Variants in PON1 observed in about 807,000 individuals in gnomAD.
PON1 encodes paraoxonase 1.
PON1 carries 37 observed loss-of-function variants against 39.2 expected under a neutral mutation model. The ratio of observed to expected loss-of-function variants is 0.94; its 90% CI spans 0.73 to 1.24. The LOEUF (loss-of-function observed/expected upper bound fraction) is 1.24. Among genes scored for constraint, PON1 ranks in the 50% most tolerant of loss-of-function variants. The pLI is 0.00. For synonymous variants in PON1, 148 were observed against 152.2 expected (o/e 0.97, Z 0.21); for missense variants, 397 against 413.5 (o/e 0.96, Z 0.35).
At chr7:95,315,290 T>C in intron 4 of PON1, 32 bp downstream of exon 4, 2 of 1,584,156 alleles carry the variant, frequency 1.3e-6, no homozygotes, top group Middle Eastern at 2.0e-4. Flanking sequence ...TTAAGTTTGG[T>C]TTTGGTTTTA....
chr7:95,311,634 T>C (rs1443928703), intron 4 of PON1, 57 bp from the exon 5 acceptor site: 1 of 1,607,904 alleles, frequency 6.2e-7, no homozygotes, highest in Admixed American at 1.7e-5. Context: ...CTGTCAGCCC[T>C]CTCTCCAAAA....
At chr7:95,318,540 G>A in intron 1 of PON1, 147 bp from the exon 2 acceptor site, 1 of 704,650 alleles carries the variant, frequency 1.4e-6, no homozygotes, top group Non-Finnish European at 2.5e-6. Context: ...TTCCAGGCAA[G>A]GCCAGGGCAA....
Position 95,298,658 on chromosome 7 carries a change from GTTAT to G in PON1, c.*282_*285del, listed in dbSNP as rs1807344402. The G allele has an allele frequency of 2.1e-6, 1 of 475,038 alleles. No homozygotes were observed. Among genetic ancestry groups the G allele is most frequent in the Non-Finnish European group, 3.9e-6 (1 of 259,102 alleles). 29.4% of individuals were successfully genotyped at this position (475,038 alleles called of 1,614,324 possible). ...GTAAGTACTTTTGGGGTCACACACTGTTATTTAATATCTGACAATTGACATAACT... is the reference window on the plus strand; with the variant it reads ...GTAAGTACTTTTGGGGTCACACACTGTTAATATCTGACAATTGACATAACT... On this transcript the variant is annotated 3_prime_UTR_variant, in exon 9 of 9. Transcript: ENST00000222381.
In PON1 at chr7:95,324,405, TAAG is replaced by T; in HGVS notation, c.68_70del (p.Ser23del). ...CCCTCACCACAACCCAACTTACTGG[TAAG>T]AAGACTGGTGGTTCCTGAAGAGTGC... On this transcript the variant is annotated inframe_deletion, in exon 1 of 9. Transcript: ENST00000222381. 6.2e-7 allele frequency: 1 copy of T among 1,614,100 alleles called. No individual in the cohort carries two copies. The highest frequency in any genetic ancestry group is 8.5e-7 in the Non-Finnish European group (1 of 1,179,976).
At chr7:95,324,305 T>G in intron 1 of PON1, 97 bp downstream of exon 1, 1 of 1,106,418 alleles carries the variant, frequency 9.0e-7, no homozygotes, top group Admixed American at 1.8e-5. Context: ...CTTGTAAATG[T>G]TCTGTTAACA....
chr7:95,323,947 C>A (rs1168547503), intron 1 of PON1, among the ~76,000 whole-genome samples: 1 of 152,106 alleles, frequency 6.6e-6, no homozygotes, highest in Non-Finnish European at 1.5e-5. Context: ...TTGCTGTGGC[C>A]CTCAGTAGCC....
At chr7:95,321,750 A>G (rs1218770639) in intron 1 of PON1, among the ~76,000 whole-genome samples, 1 of 152,054 alleles carries the variant, frequency 6.6e-6, no homozygotes, top group Non-Finnish European at 1.5e-5. Context: ...TTCACCTAGA[A>G]TGCTCTTTAG....
chr7:95,303,885 T>C (rs1455838846), intron 7 of PON1, among the ~76,000 whole-genome samples: 1 of 152,204 alleles, frequency 6.6e-6, no homozygotes, highest in Non-Finnish European at 1.5e-5. Context: ...TATTCCAGGT[T>C]TTTGCGCATT....
At chr7:95,322,583 T>C (rs1807922923) in intron 1 of PON1, among the ~76,000 whole-genome samples, 2 of 151,920 alleles carry the variant, frequency 1.3e-5, no homozygotes, top group African/African-American at 4.8e-5. Flanking sequence ...AGCTTTGTGG[T>C]TTCCTTCTGA....
At chr7:95,313,550 A>T (rs1807699583) in intron 4 of PON1, among the ~76,000 whole-genome samples, 1 of 152,114 alleles carries the variant, frequency 6.6e-6, no homozygotes, top group Non-Finnish European at 1.5e-5. Context: ...AAATATTTTT[A>T]AAATAAAACA....
At chr7:95,318,418 A>G in intron 1 of PON1, 25 bp from the exon 2 acceptor site, 2 of 1,555,222 alleles carry the variant, frequency 1.3e-6, no homozygotes, top group Non-Finnish European at 1.8e-6. Flanking sequence ...GAAATAAAAC[A>G]CACACAAAAC....
intron 1 of PON1, 111 bp downstream of exon 1, chr7:95,324,291 C>T (rs1340142718): frequency 6.1e-6 from 6 of 975,712 alleles, no homozygotes; most frequent in Non-Finnish European, 9.8e-6. Flanking sequence ...GCATCTAGCA[C>T]CTGCTTGTAA....
In PON1 at chr7:95,315,451, T is replaced by G; in HGVS notation, c.241A>C (p.Ser81Arg). 3 of 1,614,146 alleles carry G rather than the reference T, an allele frequency of 1.9e-6. No individual in the cohort carries two copies. The highest frequency in any genetic ancestry group is 2.5e-6 in the Non-Finnish European group (3 of 1,179,998). The change falls in exon 4 of 9, where the codon AGT becomes CGT. Residue 81 changes from serine to arginine, a missense_variant. Ser to Arg is a moderately radical substitution (Grantham distance 110). Coordinates refer to ENST00000222381, the MANE Select transcript of PON1 (RefSeq NM_000446.7). ...YPGIKSFNPN[S>R]PGKILLMDLN... Reference sequence around the variant, plus strand: ...TCCATCAGAAGTATTTTTCCAGGACTGTTGGGGTTGAAGCTCTTTATTCCA... The same window carrying G: ...TCCATCAGAAGTATTTTTCCAGGACGGTTGGGGTTGAAGCTCTTTATTCCA...
chr7:95,320,883 G>T (rs181057673), intron 1 of PON1, among the ~76,000 whole-genome samples: 1 of 152,368 alleles, frequency 6.6e-6, no homozygotes, highest in East Asian at 1.9e-4. Context: ...AAACCATACA[G>T]CCTTTGCTGT....
chr7:95,311,302 G>A, intron 5 of PON1, 149 bp downstream of exon 5: 1 of 949,586 alleles, frequency 1.1e-6, no homozygotes, highest in Non-Finnish European at 1.6e-6. Flanking sequence ...GTCCTCAGAA[G>A]GTTCTTCAGA....
chr7:95,320,143 G>A (rs1204634916), intron 1 of PON1, among the ~76,000 whole-genome samples: 1 of 152,180 alleles, frequency 6.6e-6, no homozygotes, highest in Non-Finnish European at 1.5e-5. Flanking sequence ...TAAAATCACT[G>A]AATGGGCCAA....
chr7:95,319,604 T>G (rs1416784059), intron 1 of PON1, among the ~76,000 whole-genome samples: 1 of 152,128 alleles, frequency 6.6e-6, no homozygotes, highest in Non-Finnish European at 1.5e-5. Flanking sequence ...AGACTGTGGT[T>G]TCCTGATTGA....
intron 7 of PON1, among the ~76,000 whole-genome samples, chr7:95,303,977 G>A (rs899121741): frequency 4.6e-5 from 7 of 152,086 alleles, no homozygotes; most frequent in African/African-American, 1.7e-4. Context: ...TTTCTATCGT[G>A]GTAAAATATA....
rs771025326 is a variant in PON1 at position 95,318,402 on chromosome 7, G to C, written c.75-9C>G. On this transcript the variant is annotated splice_polypyrimidine_tract_variant and intron_variant, in intron 1 of 8. Coordinates refer to ENST00000222381, the MANE Select transcript of PON1 (RefSeq NM_000446.7). ...GAGCATTAAGTCGTGTTCTGTGGGG[G>C]AGAAAGAAATAAAACACACACAAAA... The C allele has an allele frequency of 1.9e-6, 3 of 1,597,870 alleles. No individual in the cohort carries two copies. The highest frequency in any genetic ancestry group is 8.6e-7 in the Non-Finnish European group (1 of 1,165,592).
Sources: allele counts gnomAD v4.1 joint callset (sites outside exome capture counted in the v4.1 genomes callset), GRCh38; gene constraint gnomAD v4.1.1; transcripts MANE v1.5; gene names NCBI Gene and HGNC (gene_info 2026-07-23, HGNC 2026-07-21).